SEC23B: variants seen among roughly 807,000 people sequenced by gnomAD.
SEC23B encodes the protein protein transport protein Sec23B.
Under a neutral mutation model 104.3 loss-of-function variants are expected in SEC23B, and 77 were observed. The observed-to-expected ratio is 0.74, with a 90% CI of 0.61 to 0.89. The LOEUF (loss-of-function observed/expected upper bound fraction) is 0.89, where lower values mean the gene tolerates loss of function less well. SEC23B is among the 40% of genes least tolerant of loss of function. SEC23B has a pLI of 0.00. For missense variants in SEC23B, 885 were observed against 949.4 expected (o/e 0.93, Z 0.89); for synonymous variants, 338 against 332.5 (o/e 1.02, Z -0.18).
intron 18 of SEC23B, 83 bp downstream of exon 18, chr20:18,554,473 A>G: frequency 6.7e-7 from 1 of 1,494,856 alleles, no homozygotes; most frequent in Non-Finnish European, 9.3e-7. Flanking sequence ...AGGATGGTTA[A>G]TATTTTATGT....
chr20:18,549,702 C>G (rs1600274367), intron 16 of SEC23B, among the ~76,000 whole-genome samples: 1 of 152,088 alleles, frequency 6.6e-6, no homozygotes, highest in African/African-American at 2.4e-5. Flanking sequence ...TAAAAATTTT[C>G]TTTATCGAGT....
At chr20:18,528,291 C>T (rs1343654611) in intron 9 of SEC23B, among the ~76,000 whole-genome samples, 1 of 152,222 alleles carries the variant, frequency 6.6e-6, no homozygotes, top group African/African-American at 2.4e-5. Flanking sequence ...GTATTGTTAT[C>T]ACCAGGGGAA....
rs531794316 is a variant in SEC23B, at chr20:18,551,912, G to A, written c.1992+737G>A. 4.6e-5 allele frequency among the ~76,000 whole-genome samples: 7 copies of A among 152,210 alleles called. No individual in the cohort carries two copies. The East Asian group carries it at 1.4e-3, about 29-fold the overall frequency. ...AGAGTTAGTGTTTAGAGCTAAGGTT[G>A]TACTTTGATGAAATAACATGGCCCA... On this transcript the variant is annotated intron_variant, in intron 17 of 19. Transcript: ENST00000650089.
intron 3 of SEC23B, among the ~76,000 whole-genome samples, chr20:18,515,038 C>T (rs1262718687): frequency 6.6e-6 from 1 of 152,110 alleles, no homozygotes; most frequent in East Asian, 1.9e-4. Context: ...TTTGGCTAGG[C>T]ATGGTGGCTT....
chr20:18,545,351 C>T (rs919619145), intron 14 of SEC23B, among the ~76,000 whole-genome samples: 3 of 152,092 alleles, frequency 2.0e-5, no homozygotes, highest in African/African-American at 4.8e-5. Flanking sequence ...GAGAAAGTTT[C>T]GAGACATTTG....
intron 17 of SEC23B, among the ~76,000 whole-genome samples, chr20:18,553,467 C>G (rs1160339883): frequency 6.6e-6 from 1 of 152,230 alleles, no homozygotes; most frequent in African/African-American, 2.4e-5. Flanking sequence ...TCCTAAATAA[C>G]ATGCGAAAGC....
chr20:18,512,312 A>G (rs773060550), intron 3 of SEC23B, 30 bp downstream of exon 3: 2 of 1,384,144 alleles, frequency 1.4e-6, no homozygotes, highest in South Asian at 1.2e-5. Flanking sequence ...AAAATGTTAT[A>G]TGTTTTATTT....
intron 19 of SEC23B, among the ~76,000 whole-genome samples, chr20:18,556,287 G>A (rs2060437843): frequency 6.6e-6 from 1 of 152,034 alleles, no homozygotes; most frequent in Non-Finnish European, 1.5e-5. Context: ...TGTATGGGAG[G>A]GTATGCATAG....
intron 6 of SEC23B, among the ~76,000 whole-genome samples, chr20:18,525,317 A>T (rs1282898431): frequency 1.3e-5 from 2 of 152,146 alleles, no homozygotes; most frequent in Non-Finnish European, 2.9e-5. Flanking sequence ...TATTCACTTG[A>T]CTCAGCCCAT....
chr20:18,530,436 T>C (rs1026514834), intron 9 of SEC23B, among the ~76,000 whole-genome samples: 1 of 152,120 alleles, frequency 6.6e-6, no homozygotes, highest in African/African-American at 2.4e-5. Context: ...GGTTTCACGA[T>C]GTTGGCTAGG....
intron 12 of SEC23B, among the ~76,000 whole-genome samples, chr20:18,535,951 G>T (rs370831587): frequency 1.3e-5 from 2 of 152,250 alleles, no homozygotes; most frequent in African/African-American, 4.8e-5. Flanking sequence ...TCCTTTTATT[G>T]TTGAACTGAT....
intron 2 of SEC23B, among the ~76,000 whole-genome samples, chr20:18,511,631 T>G (rs986585875): frequency 6.6e-6 from 1 of 152,192 alleles, no homozygotes; most frequent in Non-Finnish European, 1.5e-5. Flanking sequence ...TTTTACTTCA[T>G]TCTCATTGCT....
At chr20:18,519,466 G>T (rs2060063394) in intron 4 of SEC23B, among the ~76,000 whole-genome samples, 1 of 152,094 alleles carries the variant, frequency 6.6e-6, no homozygotes, top group Admixed American at 6.6e-5. Context: ...TAGGGCGGCA[G>T]CAGCTGCCGC....
rs560608618 is a variant in SEC23B, at chr20:18,553,576, A to G, written c.1993-659A>G. On this transcript the variant is annotated intron_variant, in intron 17 of 19. Transcript: ENST00000650089. ...TTCTAGACCAGTTGTGGATGAGTAT[A>G]AAAGAAGGAAGGGTGATAAAATGTG... is the stretch of plus-strand genomic sequence containing the variant. 5.3e-5 allele frequency among the ~76,000 whole-genome samples: 8 copies of G among 152,378 alleles called. No homozygotes were observed. The East Asian group carries it at 1.2e-3, about 22-fold the overall frequency.
intron 1 of SEC23B, 73 bp from the exon 2 acceptor site, chr20:18,510,749 G>T: frequency 8.8e-7 from 1 of 1,137,532 alleles, no homozygotes; most frequent in Non-Finnish European, 1.3e-6. Context: ...TGTGTTACAT[G>T]ACCCATCTTC....
intron 11 of SEC23B, among the ~76,000 whole-genome samples, chr20:18,533,637 A>C (rs1368294435): frequency 6.6e-6 from 1 of 152,204 alleles, no homozygotes; most frequent in Non-Finnish European, 1.5e-5. Flanking sequence ...GTCTTCTTTC[A>C]TGTTGTCAGC....
At chr20:18,512,134 A>G (rs2059986732) in intron 2 of SEC23B, 91 bp from the exon 3 acceptor site, 1 of 803,276 alleles carries the variant, frequency 1.2e-6, no homozygotes, top group Non-Finnish European at 2.0e-6. Context: ...TGAACTTGAA[A>G]TTTACAAATG....
rs74993642 is a variant in SEC23B at position 18,558,847 on chromosome 20, A to G, written c.2215-1804A>G. On this transcript the variant is annotated intron_variant, in intron 19 of 19. Transcript: ENST00000650089. ...TAATTGCTCATGAAGCATTTTTATC[A>G]TGGCTGTTTTAAAATCTTTGTCAGG... is the stretch of plus-strand genomic sequence containing the variant. Among the ~76,000 whole-genome samples, 1,216 of 152,120 alleles carry G rather than the reference A, an allele frequency of 8.0e-3. 9 individuals are homozygous for G. Among genetic ancestry groups the G allele is most frequent in the Middle Eastern group, 0.014 (4 of 294 alleles).
Position 18,560,724 on chromosome 20 carries a change from T to A in SEC23B, c.2288T>A (p.Val763Asp). 1 of 1,613,756 alleles carries A rather than the reference T, an allele frequency of 6.2e-7. No individual in the cohort carries two copies. Among genetic ancestry groups the A allele is most frequent in the Non-Finnish European group, 8.5e-7 (1 of 1,179,664 alleles). The part of the protein sequence containing the change: ...VFMDHLKKLA[V>D]SSAC The stretch of plus-strand genomic sequence containing the variant: ...ATGGACCATTTGAAGAAGCTGGCTG[T>A]CTCCAGTGCCTGTTAAGCTGAGGAT... The change falls in exon 20 of 20, where the codon GTC becomes GAC. Residue 763 changes from valine to aspartate, a missense_variant. By Grantham distance (152) the Val-to-Asp change is radical. Transcript: ENST00000650089.
Sources: gnomAD v4.1 joint callset for allele counts (sites outside exome capture counted in the v4.1 genomes callset) on GRCh38, gnomAD v4.1.1 for gene constraint, MANE v1.5 for transcripts, NCBI Gene and HGNC (gene_info 2026-07-23, HGNC 2026-07-21) for gene names.